The following SDK2 variants were observed in gnomAD, a reference collection of about 807,000 sequenced individuals.
The protein encoded by SDK2 is sidekick cell adhesion molecule 2.
Under a neutral mutation model 253.9 loss-of-function variants are expected in SDK2, and 105 were observed. The ratio of observed to expected loss-of-function variants is 0.41; its 90% CI spans 0.35 to 0.49. The LOEUF (loss-of-function observed/expected upper bound fraction) is 0.49. SDK2 is among the 20% of genes least tolerant of loss of function. SDK2 has a pLI of 0.06. For synonymous variants in SDK2, 1,249 were observed against 1,234.9 expected (o/e 1.01, Z -0.24); for missense variants, 2,608 against 3,003.0 (o/e 0.87, Z 3.07).
intron 1 of SDK2, among the ~76,000 whole-genome samples, chr17:73,596,222 C>T (rs905970913): frequency 3.3e-5 from 5 of 152,014 alleles, no homozygotes; most frequent in Admixed American, 6.6e-5. Flanking sequence ...GAGAGGGACC[C>T]GCAGGGTGAG....
intron 38 of SDK2, among the ~76,000 whole-genome samples, chr17:73,362,153 G>A (rs1386609205): frequency 1.3e-5 from 2 of 152,210 alleles, no homozygotes; most frequent in Non-Finnish European, 2.9e-5. Flanking sequence ...ACAGAAAAGA[G>A]AACACTCGCC....
intron 1 of SDK2, among the ~76,000 whole-genome samples, chr17:73,540,806 C>G (rs61731249): frequency 0.011 from 1,665 of 152,296 alleles, 22 homozygotes; most frequent in Non-Finnish European, 0.017. Flanking sequence ...CCTCTCCCCT[C>G]GTGGGCTGTG....
chr17:73,537,134 A>C (rs2044788567), intron 1 of SDK2, among the ~76,000 whole-genome samples: 2 of 152,316 alleles, frequency 1.3e-5, no homozygotes, highest in East Asian at 3.9e-4. Flanking sequence ...GGCGCGCATC[A>C]TGTGTGACTG....
chr17:73,401,995 G>A lies in SDK2; in HGVS notation c.2631C>T (p.Pro877=), dbSNP rs746322137. The change falls in exon 19 of 45, where the codon CCC becomes CCT. Residue 877 remains proline, a synonymous_variant. Transcript: ENST00000392650. The part of the protein sequence containing the change: ...YFTSVLCFTT[P]GDGPRSTPQL... The stretch of plus-strand genomic sequence containing the variant: ...GCGGGGTGCTGCGTGGCCCGTCCCC[G>A]GGGGTGGTGAAACACAGCACTGAGG... 6 of 1,613,362 alleles carry A rather than the reference G, an allele frequency of 3.7e-6. No homozygotes were observed. The highest frequency in any genetic ancestry group is 1.1e-5 in the South Asian group (1 of 91,000).
chr17:73,414,461 G>C (rs1217099004), intron 18 of SDK2, among the ~76,000 whole-genome samples, 183 bp downstream of exon 18: 1 of 152,134 alleles, frequency 6.6e-6, no homozygotes, highest in African/African-American at 2.4e-5. Flanking sequence ...CACTTCCTGT[G>C]GCCCACATGT....
In SDK2 at chr17:73,438,235, G is replaced by C. The variant is rs550777882; in HGVS notation, c.726-81C>G. 1,510 of 1,358,106 alleles carry C rather than the reference G, an allele frequency of 1.1e-3. 2 individuals are homozygous for C. Among genetic ancestry groups the C allele is most frequent in the Non-Finnish European group, 1.4e-3 (1,399 of 999,378 alleles). 84.1% of individuals were successfully genotyped at this position (1,358,106 alleles called of 1,614,324 possible). ...GAGGCAGGGCAGGGGGTGGTAAGGA[G>C]TGTGGGCTTGGGAGCCGGGCTGCCT... On this transcript the variant is annotated intron_variant, in intron 6 of 44. Coordinates refer to ENST00000392650, the MANE Select transcript of SDK2 (RefSeq NM_001144952.2).
intron 18 of SDK2, among the ~76,000 whole-genome samples, chr17:73,411,669 A>G (rs2145558579): frequency 6.6e-6 from 1 of 152,278 alleles, no homozygotes; most frequent in Non-Finnish European, 1.5e-5. Context: ...ATGGAATGAC[A>G]CGAGAGAACC....
At chr17:73,406,585 C>A (rs749799836) in intron 18 of SDK2, among the ~76,000 whole-genome samples, 1 of 152,024 alleles carries the variant, frequency 6.6e-6, no homozygotes, top group Non-Finnish European at 1.5e-5. Context: ...GAAGAAAAAA[C>A]CAAACCAAGA....
At chr17:73,375,376 A>G (rs1052405704) in intron 36 of SDK2, among the ~76,000 whole-genome samples, 4 of 150,440 alleles carry the variant, frequency 2.7e-5, no homozygotes, top group Non-Finnish European at 5.9e-5. Context: ...GTTGGCTGGG[A>G]CTACAGGCAT....
chr17:73,366,316 T>C lies in SDK2; in HGVS notation c.5168-921A>G, dbSNP rs1420217155. Among the ~76,000 whole-genome samples, 3 of 152,162 alleles carry C rather than the reference T, an allele frequency of 2.0e-5. No individual in the cohort carries two copies. The South Asian group carries it at 6.2e-4, about 32-fold the overall frequency. ...TTCCCTGGGGTTCGCATCTGGCAGATGGCACTGACAAAAGAGTGGCCGGGA... is the reference window on the plus strand; with the variant it reads ...TTCCCTGGGGTTCGCATCTGGCAGACGGCACTGACAAAAGAGTGGCCGGGA... On this transcript the variant is annotated intron_variant, in intron 37 of 44. Coordinates refer to ENST00000392650, the MANE Select transcript of SDK2 (RefSeq NM_001144952.2).
Position 73,467,854 on chromosome 17 carries a change from C to T in SDK2, c.331+4258G>A, listed in dbSNP as rs1218431524. On this transcript the variant is annotated intron_variant, in intron 3 of 44. Coordinates refer to ENST00000392650, the MANE Select transcript of SDK2 (RefSeq NM_001144952.2). This position sits in a 1 kb window ranked among gnomAD's most constrained non-coding sequence, Gnocchi z 4.1. ...GCAAAGCCGTGCACAGTAGCAGATGCAGCTTCCCAGCGCTGGTTTCAGGGA... is the reference window on the plus strand; with the variant it reads ...GCAAAGCCGTGCACAGTAGCAGATGTAGCTTCCCAGCGCTGGTTTCAGGGA... 6.6e-6 allele frequency among the ~76,000 whole-genome samples: 1 copy of T among 152,230 alleles called. No individual in the cohort carries two copies. The highest frequency in any genetic ancestry group is 1.5e-5 in the Non-Finnish European group (1 of 68,046).
intron 2 of SDK2, among the ~76,000 whole-genome samples, chr17:73,503,959 A>G (rs1416278330): frequency 6.6e-6 from 1 of 152,178 alleles, no homozygotes; most frequent in Non-Finnish European, 1.5e-5. Context: ...GTATGAACCC[A>G]GAGGTGGGCA....
chr17:73,378,424 ATT>A (rs112567635), intron 36 of SDK2, among the ~76,000 whole-genome samples: 70 of 145,648 alleles, frequency 4.8e-4, no homozygotes, highest in African/African-American at 1.7e-3. Flanking sequence ...TTTAATTTTA[ATT>A]TTTTTTTTTT....
rs977740586 is a variant in SDK2 at position 73,431,038 on chromosome 17, G to A, written c.1481-425C>T. Among the ~76,000 whole-genome samples, 2 of 152,182 alleles carry A rather than the reference G, an allele frequency of 1.3e-5. No homozygotes were observed. Among genetic ancestry groups the A allele is most frequent in the African/African-American group, 4.8e-5 (2 of 41,448 alleles). ...TAACTACAGGCTGGGGGCCAAATCC[G>A]GCAGGTGGCCTTTTTGGCTAAATAA... is the stretch of plus-strand genomic sequence containing the variant. On this transcript the variant is annotated intron_variant, in intron 11 of 44. Transcript: ENST00000392650. The surrounding 1 kb of genome is among the most constrained non-coding windows in gnomAD (Gnocchi z 5.6).
intron 2 of SDK2, among the ~76,000 whole-genome samples, chr17:73,478,989 C>A (rs1243549905): frequency 6.6e-6 from 1 of 152,270 alleles, no homozygotes; most frequent in Non-Finnish European, 1.5e-5. Flanking sequence ...AACGCACATT[C>A]ATGCACGCCG....
In SDK2 at chr17:73,455,836, T is replaced by G. The variant is rs113078361; in HGVS notation, c.479+70A>C. 8,851 of 1,467,442 alleles carry G rather than the reference T, an allele frequency of 6.0e-3. 436 individuals are homozygous for G. The African/African-American group carries it at 0.11, about 18-fold the overall frequency. The allele number at this position is 1,467,442 out of a possible 1,614,324, so 90.9% of individuals were successfully genotyped here. On this transcript the variant is annotated intron_variant, in intron 4 of 44. Coordinates refer to ENST00000392650, the MANE Select transcript of SDK2 (RefSeq NM_001144952.2). The surrounding 1 kb of genome is among the most constrained non-coding windows in gnomAD (Gnocchi z 5.0). ...GCCCTCCTCCACACTCAAGGGAGACTTTATCTGGCCCCAAACCTCCTCCCC... is the reference window on the plus strand; with the variant it reads ...GCCCTCCTCCACACTCAAGGGAGACGTTATCTGGCCCCAAACCTCCTCCCC...
At chr17:73,633,265 A>T (rs1339233644) in intron 1 of SDK2, among the ~76,000 whole-genome samples, 1 of 152,196 alleles carries the variant, frequency 6.6e-6, no homozygotes, top group Non-Finnish European at 1.5e-5. Context: ...AGCCTGGCTG[A>T]CAGAGACCGA....
At chr17:73,460,591 CTTAGT>C (rs2063557017) in intron 3 of SDK2, among the ~76,000 whole-genome samples, 1 of 152,186 alleles carries the variant, frequency 6.6e-6, no homozygotes, top group African/African-American at 2.4e-5. Context: ...TTTTTCACAG[CTTAGT>C]TTAAACATCA....
chr17:73,489,222 T>C (rs1414608147), intron 2 of SDK2, among the ~76,000 whole-genome samples: 2 of 152,222 alleles, frequency 1.3e-5, no homozygotes, highest in Non-Finnish European at 2.9e-5. Flanking sequence ...CCAGCTCTAC[T>C]TCGAGTCCAT....
Sources: gnomAD v4.1 joint callset for allele counts (sites outside exome capture counted in the v4.1 genomes callset) on GRCh38, gnomAD v4.1.1 for gene constraint, Gnocchi (gnomAD v3.1) non-coding constraint, MANE v1.5 for transcripts, NCBI Gene and HGNC (gene_info 2026-07-23, HGNC 2026-07-21) for gene names.